Variants in KDM4B observed in about 807,000 individuals in gnomAD.
KDM4B encodes lysine demethylase 4B, also known as lysine-specific demethylase 4B.
KDM4B carries 32 observed loss-of-function variants against 125.2 expected under a neutral mutation model. The ratio of observed to expected loss-of-function variants is 0.26; its 90% CI spans 0.19 to 0.34. The LOEUF (loss-of-function observed/expected upper bound fraction) is 0.34. Ranked by LOEUF, KDM4B falls within the 10% of genes least tolerant of loss-of-function variation. The probability of loss-of-function intolerance (pLI) is 1.00; values close to 1 mark genes in which losing one functional copy is unlikely to be tolerated. For missense variants in KDM4B, 1,190 were observed against 1,577.7 expected (o/e 0.75, Z 4.16); for synonymous variants, 721 against 677.9 (o/e 1.06, Z -0.99).
chr19:5,048,289 T>G (rs1424170439), intron 6 of KDM4B, among the ~76,000 whole-genome samples: 1 of 151,604 alleles, frequency 6.6e-6, no homozygotes, highest in Non-Finnish European at 1.5e-5. Context: ...CGTGTGGGGG[T>G]GTGTGTGAAT....
At chr19:5,041,071 G>A in intron 4 of KDM4B, 66 bp from the exon 5 acceptor site, 1 of 1,058,424 alleles carries the variant, frequency 9.4e-7, no homozygotes, top group Non-Finnish European at 1.4e-6. Context: ...GTTCCAGGTG[G>A]CTGAGGGTGG....
At chr19:5,062,414 C>T (rs2037632128) in intron 6 of KDM4B, among the ~76,000 whole-genome samples, 1 of 152,236 alleles carries the variant, frequency 6.6e-6, no homozygotes, top group African/African-American at 2.4e-5. Flanking sequence ...TGGCACCTGC[C>T]CTTCCTCCCG....
At chr19:5,140,355 C>T (rs1299566241) in intron 18 of KDM4B, 1 of 152,538 alleles carries the variant, frequency 6.6e-6, no homozygotes, top group Admixed American at 6.5e-5. Context: ...GCACAAGGCA[C>T]TTGGGGCTGT....
chr19:5,134,715 C>T (rs1210853104), intron 14 of KDM4B, among the ~76,000 whole-genome samples: 1 of 152,258 alleles, frequency 6.6e-6, no homozygotes, highest in Non-Finnish European at 1.5e-5. Flanking sequence ...ATCAGCAGAG[C>T]TGCCCTGGGT....
chr19:5,011,753 AC>A (rs1198157265), intron 1 of KDM4B, among the ~76,000 whole-genome samples: 2 of 152,130 alleles, frequency 1.3e-5, no homozygotes, highest in Non-Finnish European at 2.9e-5. Flanking sequence ...AACTTTCGGA[AC>A]CCACCCGAGG....
intron 9 of KDM4B, among the ~76,000 whole-genome samples, chr19:5,093,890 G>A (rs919669769): frequency 6.6e-6 from 1 of 152,232 alleles, no homozygotes; most frequent in Non-Finnish European, 1.5e-5. Context: ...CAGGGACGCT[G>A]CAGCTGCGGC....
At chr19:4,993,324 G>A (rs1176032660) in intron 1 of KDM4B, among the ~76,000 whole-genome samples, 3 of 151,758 alleles carry the variant, frequency 2.0e-5, no homozygotes, top group African/African-American at 4.8e-5. Flanking sequence ...CACCAGAATC[G>A]CTTGAACCCG....
chr19:5,113,377 C>G (rs1393382403), intron 10 of KDM4B: 4 of 148,084 alleles, frequency 2.7e-5, no homozygotes, highest in Admixed American at 2.7e-4. Context: ...GTGCTTTTCT[C>G]TGGAGAGGCA....
intron 6 of KDM4B, among the ~76,000 whole-genome samples, chr19:5,052,597 C>G (rs1303267248): frequency 6.6e-6 from 1 of 152,244 alleles, no homozygotes; most frequent in African/African-American, 2.4e-5. Context: ...CCTCCCAGCT[C>G]CATCTCCTGC....
At chr19:5,050,848 G>A (rs1037121739) in intron 6 of KDM4B, among the ~76,000 whole-genome samples, 4 of 152,120 alleles carry the variant, frequency 2.6e-5, no homozygotes, top group Non-Finnish European at 4.4e-5. Context: ...TGCAGTGAGC[G>A]GAGATCACAC....
At chr19:5,120,553 C>T (rs1019128851) in intron 11 of KDM4B, among the ~76,000 whole-genome samples, 7 of 152,062 alleles carry the variant, frequency 4.6e-5, no homozygotes, top group Admixed American at 2.0e-4. Flanking sequence ...GAACGGGGTG[C>T]GGGGGGCCGG....
chr19:5,128,403 G>A (rs1489533506), intron 11 of KDM4B, among the ~76,000 whole-genome samples: 1 of 152,180 alleles, frequency 6.6e-6, no homozygotes, highest in African/African-American at 2.4e-5. Flanking sequence ...CCTTGAAGTT[G>A]AACCCGGCTT....
chr19:5,131,158 G>A lies in KDM4B; in HGVS notation c.1398G>A (p.Leu466=). Residue 466 remains leucine, a synonymous_variant, in exon 12 of 23, where the codon CTG becomes CTA. Coordinates refer to ENST00000159111, the MANE Select transcript of KDM4B (RefSeq NM_015015.3). ...GCTTCGGCCTGCTGCCCCCACAGCT[G>A]CCGCCCCCGCCTGCTCACTTCCCCT... ...KKSFGLLPPQ[L]PPPPAHFPSE... 1 of 1,559,398 alleles carries A rather than the reference G, an allele frequency of 6.4e-7. No individual in the cohort carries two copies. Among genetic ancestry groups the A allele is most frequent in the Non-Finnish European group, 8.7e-7 (1 of 1,152,148 alleles).
intron 5 of KDM4B, among the ~76,000 whole-genome samples, chr19:5,042,467 C>T (rs146277642): frequency 4.6e-5 from 7 of 150,874 alleles, no homozygotes; most frequent in Non-Finnish European, 7.4e-5. Context: ...GCCACTGCCC[C>T]GCAGCCTGGG....
At chr19:5,001,249 G>T (rs2035374843) in intron 1 of KDM4B, among the ~76,000 whole-genome samples, 1 of 152,054 alleles carries the variant, frequency 6.6e-6, no homozygotes, top group South Asian at 2.1e-4. Context: ...TGTTGCCCAG[G>T]CTGGTCTCAA....
At chr19:5,113,573 G>T (rs553199228) in intron 10 of KDM4B, among the ~76,000 whole-genome samples, 3 of 152,266 alleles carry the variant, frequency 2.0e-5, no homozygotes, top group African/African-American at 7.2e-5. Flanking sequence ...GCTGGATCGG[G>T]AGACACAGTG....
intron 1 of KDM4B, among the ~76,000 whole-genome samples, chr19:4,976,768 C>T (rs190597692): frequency 5.3e-5 from 8 of 152,180 alleles, no homozygotes; most frequent in Non-Finnish European, 7.3e-5. Context: ...GGCCATCGTG[C>T]GGTCAGTAGC....
intron 3 of KDM4B, among the ~76,000 whole-genome samples, chr19:5,034,100 C>T (rs908561267): frequency 3.3e-5 from 5 of 152,242 alleles, no homozygotes; most frequent in African/African-American, 7.2e-5. Flanking sequence ...CACCACTGCA[C>T]TCCAGCCTGG....
At chr19:5,091,214 G>A (rs1250259104) in intron 9 of KDM4B, among the ~76,000 whole-genome samples, 1 of 152,212 alleles carries the variant, frequency 6.6e-6, no homozygotes, top group African/African-American at 2.4e-5. Context: ...CTCCTCCAGA[G>A]CCCAGGACTC....
Sources: allele counts gnomAD v4.1 joint callset (sites outside exome capture counted in the v4.1 genomes callset), GRCh38; gene constraint gnomAD v4.1.1; transcripts MANE v1.5; gene names NCBI Gene and HGNC (gene_info 2026-07-23, HGNC 2026-07-21).